Variants in PPARGC1A observed in about 807,000 individuals in gnomAD.
PPARGC1A encodes the protein PPARG coactivator 1 alpha.
In PPARGC1A, 25 loss-of-function variants were observed where a neutral mutation model predicts 88.7. The observed-to-expected ratio is 0.28, with a 90% CI of 0.21 to 0.39. The LOEUF (loss-of-function observed/expected upper bound fraction) is 0.39, where lower values mean the gene tolerates loss of function less well. PPARGC1A is among the 10% of genes least tolerant of loss of function. The pLI, the probability that PPARGC1A is intolerant of heterozygous loss-of-function variation, is 1.00. For synonymous variants in PPARGC1A, 363 were observed against 355.6 expected (o/e 1.02, Z -0.24); for missense variants, 880 against 968.7 (o/e 0.91, Z 1.22).
At chr4:24,462,108 T>A in the PPARGC1A span, among the ~76,000 whole-genome samples, 1 of 152,152 alleles carries the variant, frequency 6.6e-6, no homozygotes, top group African/African-American at 2.4e-5. Flanking sequence ...GTTTTTGAGA[T>A]GGAGTCTCGC....
chr4:24,209,903 G>C, the PPARGC1A span, among the ~76,000 whole-genome samples: 2 of 152,172 alleles, frequency 1.3e-5, no homozygotes, highest in African/African-American at 2.4e-5. Context: ...CATTAGACTA[G>C]AGAAAGGACT....
the PPARGC1A span, among the ~76,000 whole-genome samples, chr4:24,370,783 C>CTTTTTTTTTTTTT: frequency 1.7e-4 from 11 of 64,458 alleles, no homozygotes; most frequent in African/African-American, 5.7e-4. Context: ...TTTTTTTTTA[C>CTTTTTTTTTTTTT]TTTAAGTTCT....
the PPARGC1A span, among the ~76,000 whole-genome samples, chr4:24,403,635 G>A: frequency 3.3e-5 from 5 of 152,062 alleles, no homozygotes; most frequent in African/African-American, 7.2e-5. Context: ...CAAAATACCC[G>A]CTGGATACAA....
the PPARGC1A span, among the ~76,000 whole-genome samples, chr4:24,343,942 C>A: frequency 6.6e-6 from 1 of 150,466 alleles, no homozygotes; most frequent in Non-Finnish European, 1.5e-5. Context: ...CATTTTTATG[C>A]CTTTGCGTCC....
At chr4:24,211,978 C>T in the PPARGC1A span, among the ~76,000 whole-genome samples, 1 of 152,146 alleles carries the variant, frequency 6.6e-6, no homozygotes, top group Non-Finnish European at 1.5e-5. Context: ...CTAGATTCCT[C>T]GTCTATTGGC....
chr4:24,128,531 A>AGTGTGTGTGTGTGTGTGTGTGTGTGT, the PPARGC1A span, among the ~76,000 whole-genome samples: 1 of 138,182 alleles, frequency 7.2e-6, no homozygotes. Context: ...AGCCTGTCAC[A>AGTGTGTGTGTGTGTGTGTGTGTGTGT]GTGTGTGTGT....
the PPARGC1A span, among the ~76,000 whole-genome samples, chr4:23,994,005 G>C: frequency 2.6e-5 from 4 of 152,118 alleles, no homozygotes; most frequent in Admixed American, 1.3e-4. Context: ...AATTTCTTCT[G>C]AGGTTAAACA....
At chr4:24,199,102 G>T in the PPARGC1A span, among the ~76,000 whole-genome samples, 3 of 152,106 alleles carry the variant, frequency 2.0e-5, no homozygotes, top group African/African-American at 7.2e-5. Flanking sequence ...GATGTATACT[G>T]TCTGTCTCTT....
the PPARGC1A span, among the ~76,000 whole-genome samples, chr4:24,112,445 A>G: frequency 6.6e-6 from 1 of 152,210 alleles, no homozygotes; most frequent in Non-Finnish European, 1.5e-5. Flanking sequence ...GCTGAATTTT[A>G]CCACAAGCCT....
chr4:23,983,673 AGAG>A, the PPARGC1A span, among the ~76,000 whole-genome samples: 1 of 152,110 alleles, frequency 6.6e-6, no homozygotes, highest in Admixed American at 6.6e-5. Flanking sequence ...AATTAAATGA[AGAG>A]AAGAAATGGA....
At chr4:24,102,649 G>A in the PPARGC1A span, among the ~76,000 whole-genome samples, 1 of 152,240 alleles carries the variant, frequency 6.6e-6, no homozygotes, top group African/African-American at 2.4e-5. Flanking sequence ...GACTTGGGCA[G>A]AAAGAGTGCT....
chr4:24,194,243 G>T, the PPARGC1A span, among the ~76,000 whole-genome samples: 1 of 152,096 alleles, frequency 6.6e-6, no homozygotes, highest in Non-Finnish European at 1.5e-5. Context: ...TTTTCTTAGT[G>T]CTAGGTATAG....
the PPARGC1A span, among the ~76,000 whole-genome samples, chr4:24,325,468 C>A: frequency 6.6e-6 from 1 of 152,170 alleles, no homozygotes; most frequent in Non-Finnish European, 1.5e-5. Context: ...AGAACCTCCT[C>A]CCCCAGGAGC....
At chr4:24,452,264 A>AAC in the PPARGC1A span, among the ~76,000 whole-genome samples, 2,462 of 147,238 alleles carry the variant, frequency 0.017, 69 homozygotes, top group African/African-American at 0.056. Flanking sequence ...CCCACACACA[A>AAC]ACACACACAC....
chr4:24,271,682 G>A, the PPARGC1A span, among the ~76,000 whole-genome samples: 1 of 152,102 alleles, frequency 6.6e-6, no homozygotes, highest in Non-Finnish European at 1.5e-5. Context: ...ATCTCAGTGG[G>A]TCCTTTTACT....
At chr4:23,944,288 A>G in the PPARGC1A span, among the ~76,000 whole-genome samples, 1 of 152,200 alleles carries the variant, frequency 6.6e-6, no homozygotes, top group African/African-American at 2.4e-5. Flanking sequence ...AGTCATGCAC[A>G]ATAATGATAA....
the PPARGC1A span, among the ~76,000 whole-genome samples, chr4:24,137,559 C>T: frequency 6.6e-6 from 1 of 152,142 alleles, no homozygotes; most frequent in South Asian, 2.1e-4. Context: ...AGATGAATTG[C>T]CTAAACAGGA....
the PPARGC1A span, among the ~76,000 whole-genome samples, chr4:24,181,027 G>C: frequency 6.6e-6 from 1 of 152,138 alleles, no homozygotes. Flanking sequence ...CAATAAACCA[G>C]CTTCCAGTTT....
chr4:23,834,016 T>C (rs1439650311), intron 2 of PPARGC1A, among the ~76,000 whole-genome samples: 1 of 151,540 alleles, frequency 6.6e-6, no homozygotes, highest in Non-Finnish European at 1.5e-5. Flanking sequence ...AATATAAAAA[T>C]TGGCTGGGCA....
Sources: gnomAD v4.1 joint callset for allele counts (sites outside exome capture counted in the v4.1 genomes callset) on GRCh38, gnomAD v4.1.1 for gene constraint, MANE v1.5 for transcripts, NCBI Gene and HGNC (gene_info 2026-07-23, HGNC 2026-07-21) for gene names.